The following MYCBPAP variants were observed in gnomAD, a reference collection of about 807,000 sequenced individuals.
The protein encoded by MYCBPAP is MYCBP associated protein.
A neutral mutation model predicts 106.1 loss-of-function variants in MYCBPAP; 60 were observed. The ratio of observed to expected loss-of-function variants is 0.57; its 90% CI spans 0.46 to 0.70. The LOEUF (loss-of-function observed/expected upper bound fraction) is 0.70, where lower values mean the gene tolerates loss of function less well. Ranked by LOEUF, MYCBPAP falls within the 30% of genes least tolerant of loss-of-function variation. The probability of loss-of-function intolerance (pLI) is 0.00; values close to 1 mark genes in which losing one functional copy is unlikely to be tolerated. For missense variants in MYCBPAP, 1,064 were observed against 1,169.3 expected (o/e 0.91, Z 1.31); for synonymous variants, 407 against 440.6 (o/e 0.92, Z 0.95).
intron 2 of MYCBPAP, 79 bp downstream of exon 2, chr17:50,516,776 TGTCCCTACTCATGGGGA>T: frequency 6.5e-7 from 1 of 1,526,906 alleles, no homozygotes; most frequent in Non-Finnish European, 9.0e-7. Flanking sequence ...ACACCAGCCA[TGTCCCTACTCATGGGGA>T]GTGTCTAACT....
At chr17:50,527,251 T>A in intron 14 of MYCBPAP, 36 bp from the exon 15 acceptor site, 1 of 1,612,710 alleles carries the variant, frequency 6.2e-7, no homozygotes, top group South Asian at 1.1e-5. Context: ...ACAGCCTTGG[T>A]GTCCTGGTGC....
At chr17:50,525,670 T>TTTTTTTTTTTTC in intron 13 of MYCBPAP, among the ~76,000 whole-genome samples, 1 of 150,896 alleles carries the variant, frequency 6.6e-6, no homozygotes, top group Non-Finnish European at 1.5e-5. Flanking sequence ...TTTTTTTTTT[T>TTTTTTTTTTTTC]GGTAGAGATA....
In MYCBPAP at chr17:50,508,582, C is replaced by G. The variant is rs770658579; in HGVS notation, c.-93C>G. On this transcript the variant is annotated 5_prime_UTR_variant, in exon 1 of 19. Coordinates refer to ENST00000323776, the MANE Select transcript of MYCBPAP (RefSeq NM_032133.6). ...CGCGCGGGGCACCGGTTGCTGTGGA[C>G]GCAGTGGCGGCCGTTGGCTGGCGGG... The G allele has an allele frequency of 6.4e-7, 1 of 1,553,508 alleles. No homozygotes were observed. Among genetic ancestry groups the G allele is most frequent in the South Asian group, 1.2e-5 (1 of 85,756 alleles).
rs376019249 is a variant in MYCBPAP, at chr17:50,522,016, G to C, written c.1192G>C (p.Gly398Arg). 1 of 1,613,976 alleles carries C rather than the reference G, an allele frequency of 6.2e-7. No homozygotes were observed. Among genetic ancestry groups the C allele is most frequent in the Non-Finnish European group, 8.5e-7 (1 of 1,179,906 alleles). Residue 398 changes from glycine to arginine, a missense_variant, in exon 10 of 19, where the codon GGC becomes CGC. By Grantham distance (125) the Gly-to-Arg change is moderately radical. Coordinates refer to ENST00000323776, the MANE Select transcript of MYCBPAP (RefSeq NM_032133.6). Reference protein sequence around the residue: ...SSSDVSMPILGPSLLFCGKPA... With the variant: ...SSSDVSMPILRPSLLFCGKPA... ...CTCTGATGTCTCCATGCCTATTCTC[G>C]GCCCTTCTCTGCTGTTCTGTGGGAA...
intron 15 of MYCBPAP, among the ~76,000 whole-genome samples, chr17:50,527,687 AGGAAGAAGACGGG>A (rs1347462234): frequency 6.6e-6 from 1 of 152,190 alleles, no homozygotes; most frequent in East Asian, 1.9e-4. Context: ...GCCAGAGGGC[AGGAAGAAGACGGG>A]GGGCAGATTC....
intron 18 of MYCBPAP, 90 bp from the exon 19 acceptor site, chr17:50,531,237 C>T: frequency 6.9e-6 from 5 of 724,972 alleles, no homozygotes; most frequent in South Asian, 5.0e-5. Context: ...GGTTTCTTTC[C>T]CCTCTCCAGC....
Position 50,527,413 on chromosome 17 carries a change from G to A in MYCBPAP, c.2291+5G>A. The A allele has an allele frequency of 6.2e-7, 1 of 1,613,790 alleles. No homozygotes were observed. The highest frequency in any genetic ancestry group is 1.1e-5 in the South Asian group (1 of 91,068). Reference sequence around the variant, plus strand: ...CAACCTCCTGCACCAGATGTGGTAGGTGCCCTGCCAGGAGAGCTGCCCCAT... The same window carrying A: ...CAACCTCCTGCACCAGATGTGGTAGATGCCCTGCCAGGAGAGCTGCCCCAT... On this transcript the variant is annotated splice_donor_5th_base_variant and intron_variant, in intron 15 of 18. Coordinates refer to ENST00000323776, the MANE Select transcript of MYCBPAP (RefSeq NM_032133.6).
At chr17:50,514,824 A>AT (rs1208316000) in intron 1 of MYCBPAP, 1 of 383,086 alleles carries the variant, frequency 2.6e-6, no homozygotes, top group Non-Finnish European at 5.3e-6. Flanking sequence ...TGCCTGGTTA[A>AT]TTTTTTGATT....
upstream of MYCBPAP, chr17:50,508,270 A>AGGGCG (rs1341400729): frequency 3.9e-5 from 14 of 356,206 alleles, no homozygotes; most frequent in African/African-American, 3.0e-4. Flanking sequence ...GCCTAGCAGC[A>AGGGCG]GGGCGGGGCG....
At chr17:50,530,222 G>C (rs1335660645) in intron 18 of MYCBPAP, 1 of 438,358 alleles carries the variant, frequency 2.3e-6, no homozygotes, top group African/African-American at 2.0e-5. Context: ...GACCAGGTGC[G>C]GTGGCTCGTG....
At position 50,519,793 on chromosome 17, in the gene MYCBPAP, G is replaced by A; in HGVS notation, c.916+6G>A. The A allele has an allele frequency of 6.2e-7, 1 of 1,612,652 alleles. No individual in the cohort carries two copies. ...CTCCATCCGGGTGGAGACAGGTGAG[G>A]CGCAGGGCTGTAAGCCAGCTAGCAT... On this transcript the variant is annotated splice_donor_region_variant and intron_variant, in intron 7 of 18. Coordinates refer to ENST00000323776, the MANE Select transcript of MYCBPAP (RefSeq NM_032133.6).
intron 8 of MYCBPAP, 39 bp from the exon 9 acceptor site, chr17:50,521,277 C>A (rs1170612192): frequency 3.8e-6 from 6 of 1,592,080 alleles, no homozygotes; most frequent in Admixed American, 3.5e-5. Context: ...CGATGCCTGT[C>A]TTCAGTCAGC....
chr17:50,517,758 C>T (rs770811661), intron 4 of MYCBPAP, 60 bp downstream of exon 4: 248 of 1,397,190 alleles, frequency 1.8e-4, no homozygotes, highest in Non-Finnish European at 2.4e-4. Context: ...TGGTCTCCCA[C>T]CTGACACAGT....
chr17:50,527,543 T>G, intron 15 of MYCBPAP, 135 bp downstream of exon 15: 1 of 1,163,916 alleles, frequency 8.6e-7, no homozygotes, highest in East Asian at 2.6e-5. Flanking sequence ...GCCGCAAACA[T>G]TCCACGTTCT....
Position 50,526,105 on chromosome 17 carries a change from G to A in MYCBPAP, c.2007G>A (p.Gly669=), listed in dbSNP as rs2034449715. Residue 669 remains glycine (G), a synonymous_variant, in exon 14 of 19, where the codon GGG becomes GGA. Transcript: ENST00000323776. ...RPENEALRES[G]SQKARVGTKS... ...AGAACGAGGCCCTCAGGGAATCCGG[G>A]TCCCAGAAGGCCAGAGTGGGGACCA... 2 of 1,613,768 alleles carry A rather than the reference G, an allele frequency of 1.2e-6. No individual in the cohort carries two copies. Among genetic ancestry groups the A allele is most frequent in the African/African-American group, 2.7e-5 (2 of 74,918 alleles).
Position 50,523,719 on chromosome 17 carries a change from C to A in MYCBPAP, c.1570C>A (p.Gln524Lys), listed in dbSNP as rs961245003. The A allele has an allele frequency of 2.5e-6, 4 of 1,614,068 alleles. No individual in the cohort carries two copies. The highest frequency in any genetic ancestry group is 2.5e-6 in the Non-Finnish European group (3 of 1,180,032). The change falls in exon 12 of 19, where the codon CAG becomes AAG. Residue 524 changes from glutamine to lysine, a missense_variant. By Grantham distance (53) the Gln-to-Lys change is moderately conservative. Coordinates refer to ENST00000323776, the MANE Select transcript of MYCBPAP (RefSeq NM_032133.6). ...HPTLLGGAIL[Q>K]VNLHAVSLTQ... is the part of the protein sequence containing the mutation. ...TACTCTATTAGGAGGTGCTATACTG[C>A]AGGTCAATCTCCACGCGGTCTCCCT... is the stretch of plus-strand genomic sequence containing the variant.
intron 1 of MYCBPAP, among the ~76,000 whole-genome samples, chr17:50,511,767 G>A (rs1261154052): frequency 6.6e-6 from 1 of 152,188 alleles, no homozygotes; most frequent in Non-Finnish European, 1.5e-5. Flanking sequence ...AAAGAGCTGG[G>A]CCTGTATAGG....
In MYCBPAP at chr17:50,522,964, T is replaced by C. The variant is rs977904364; in HGVS notation, c.1283T>C (p.Leu428Ser). 2.5e-6 allele frequency: 4 copies of C among 1,612,426 alleles called. No homozygotes were observed. In the African/African-American group the frequency reaches 5.3e-5, roughly 22 times the overall value. Reference protein sequence around the residue: ...DKRQVGIAAHLTFETLEGEKT... With the variant: ...DKRQVGIAAHSTFETLEGEKT... ...AGGCAGGTTGGGATTGCTGCTCACT[T>C]GACCTTTGAAACCCTAGAAGGCGAG... The change falls in exon 11 of 19, where the codon TTG (leucine) becomes TCG (serine). Residue 428 changes from leucine to serine, a missense_variant. By Grantham distance (145) the Leu-to-Ser change is moderately radical. Transcript: ENST00000323776.
At chr17:50,528,330 C>A in intron 16 of MYCBPAP, 60 bp downstream of exon 16, 1 of 1,385,272 alleles carries the variant, frequency 7.2e-7, no homozygotes, top group Non-Finnish European at 1.0e-6. Flanking sequence ...TCTGAATGGA[C>A]AAGCAGCAGT....
Sources: gnomAD v4.1 joint callset for allele counts (sites outside exome capture counted in the v4.1 genomes callset) on GRCh38, gnomAD v4.1.1 for gene constraint, MANE v1.5 for transcripts, NCBI Gene and HGNC (gene_info 2026-07-23, HGNC 2026-07-21) for gene names.